Variants in UIMC1 observed in about 807,000 individuals in gnomAD.
The protein encoded by UIMC1 is BRCA1-A complex subunit RAP80.
Under a neutral mutation model 84.9 loss-of-function variants are expected in UIMC1, and 42 were observed. That is an observed-to-expected ratio of 0.49 (90% confidence interval 0.39 to 0.64). The LOEUF (loss-of-function observed/expected upper bound fraction) is 0.64. Ranked by LOEUF, UIMC1 falls within the 30% of genes least tolerant of loss-of-function variation. The probability of loss-of-function intolerance (pLI) is 0.00; values close to 1 mark genes in which losing one functional copy is unlikely to be tolerated. For missense variants in UIMC1, 825 were observed against 847.6 expected (o/e 0.97, Z 0.33); for synonymous variants, 281 against 293.0 (o/e 0.96, Z 0.42).
chr5:176,972,782 G>A (rs1769453652), intron 3 of UIMC1, among the ~76,000 whole-genome samples: 1 of 151,914 alleles, frequency 6.6e-6, no homozygotes. Context: ...CCTCTTAACT[G>A]CTCAAGAACA....
At chr5:176,982,351 AT>A in intron 2 of UIMC1, 117 bp downstream of exon 2, 1 of 1,202,850 alleles carries the variant, frequency 8.3e-7, no homozygotes, top group Non-Finnish European at 1.2e-6. Flanking sequence ...CTGAGTAAAA[AT>A]TTCATGGTTT....
chr5:176,918,025 T>A, intron 10 of UIMC1, among the ~76,000 whole-genome samples: 1 of 152,358 alleles, frequency 6.6e-6, no homozygotes, highest in Middle Eastern at 3.4e-3. Flanking sequence ...TCAATAGCCA[T>A]ATGTGGCTAC....
At position 176,905,087 on chromosome 5, in the gene UIMC1, A is replaced by T. The variant is rs1759180411; in HGVS notation, c.*195T>A. ...TTTTAACTGTAAGTAAATTCAAACA[A>T]ACTGTTATAAAACAGAATACACAGT... On this transcript the variant is annotated 3_prime_UTR_variant, in exon 15 of 15. Coordinates refer to ENST00000511320, the MANE Select transcript of UIMC1 (RefSeq NM_001199298.2). 2 of 467,378 alleles carry T rather than the reference A, an allele frequency of 4.3e-6. No individual in the cohort carries two copies. The highest frequency in any genetic ancestry group is 2.0e-5 in the African/African-American group (1 of 50,360). The allele number at this position is 467,378 out of a possible 1,614,324, so 29.0% of individuals were successfully genotyped here. A position where few individuals can be genotyped will look rare whatever the true frequency, so the allele number is the denominator to read the frequency against.
intron 2 of UIMC1, among the ~76,000 whole-genome samples, chr5:176,976,178 T>A (rs532221624): frequency 6.6e-5 from 10 of 152,058 alleles, no homozygotes; most frequent in East Asian, 1.9e-4. Context: ...GAATTTTTTT[T>A]AAATTAGCCA....
chr5:177,014,052 C>CT (rs1775620123), intron 1 of UIMC1, among the ~76,000 whole-genome samples: 1 of 130,696 alleles, frequency 7.7e-6, no homozygotes, highest in African/African-American at 3.2e-5. Flanking sequence ...CACTTTTTTT[C>CT]TTTTCTTTTT....
rs181324886 is a variant in UIMC1, at chr5:177,000,201, G to A, written c.-9+6449C>T. Among the ~76,000 whole-genome samples, 3 of 152,226 alleles carry A rather than the reference G, an allele frequency of 2.0e-5. No homozygotes were observed. In the East Asian group the frequency reaches 5.8e-4, roughly 29 times the overall value. On this transcript the variant is annotated intron_variant, in intron 1 of 14. Coordinates refer to ENST00000511320, the MANE Select transcript of UIMC1 (RefSeq NM_001199298.2). ...TCTCAATCTGACCTCATGATCCGCCGCCTCGGCCTCCCAAAGTGCTGGGAT... is the reference window on the plus strand; with the variant it reads ...TCTCAATCTGACCTCATGATCCGCCACCTCGGCCTCCCAAAGTGCTGGGAT...
At chr5:176,942,209 A>G (rs1408630922) in intron 10 of UIMC1, among the ~76,000 whole-genome samples, 4 of 151,764 alleles carry the variant, frequency 2.6e-5, no homozygotes, top group Non-Finnish European at 4.4e-5. Context: ...TATGTAGGAC[A>G]TGAATGTAAA....
intron 2 of UIMC1, chr5:176,980,347 T>A (rs927728017): frequency 2.0e-5 from 3 of 152,054 alleles, no homozygotes; most frequent in African/African-American, 7.3e-5. Context: ...CATCCATCCA[T>A]CCATCCATCC....
At chr5:176,905,921 CTG>C in intron 14 of UIMC1, 88 bp downstream of exon 14, 1 of 1,370,722 alleles carries the variant, frequency 7.3e-7, no homozygotes, top group Non-Finnish European at 1.0e-6. Flanking sequence ...CTGCAACAGT[CTG>C]AGTATCACAC....
intron 10 of UIMC1, chr5:176,919,104 T>G: frequency 3.5e-6 from 1 of 287,522 alleles, no homozygotes; most frequent in Non-Finnish European, 6.9e-6. Flanking sequence ...AAATATAACT[T>G]CACTGAGATA....
chr5:176,969,588 C>G lies in UIMC1; in HGVS notation c.463+13G>C, dbSNP rs776597620. On this transcript the variant is annotated intron_variant, in intron 5 of 14. Transcript: ENST00000511320. ...ACTTGATGAATGGAAGGAGTCAGAA[C>G]AGGGAGACATGCCTTCAGTGAGCCC... 1 of 1,612,562 alleles carries G rather than the reference C, an allele frequency of 6.2e-7. No individual in the cohort carries two copies. The highest frequency in any genetic ancestry group is 1.1e-5 in the South Asian group (1 of 91,010).
At chr5:176,997,321 C>G (rs1206096519) in intron 1 of UIMC1, among the ~76,000 whole-genome samples, 3 of 152,006 alleles carry the variant, frequency 2.0e-5, no homozygotes, top group African/African-American at 7.3e-5. Flanking sequence ...CTTTTACCAC[C>G]GTTCCCCTCC....
chr5:176,967,286 A>G (rs1768449374), intron 6 of UIMC1, among the ~76,000 whole-genome samples: 1 of 151,814 alleles, frequency 6.6e-6, no homozygotes, highest in Admixed American at 6.6e-5. Context: ...TATTTTTCAC[A>G]TCCAAAAAAA....
Position 176,911,408 on chromosome 5 carries a change from T to G in UIMC1, c.1598-19A>C. The G allele has an allele frequency of 1.3e-6, 2 of 1,518,834 alleles. No homozygotes were observed. The highest frequency in any genetic ancestry group is 1.8e-6 in the Non-Finnish European group (2 of 1,127,790). The allele number at this position is 1,518,834 out of a possible 1,614,324, so 94.1% of individuals were successfully genotyped here. On this transcript the variant is annotated intron_variant, in intron 10 of 14. Transcript: ENST00000511320. ...GTCAATACTTTTAATATAAAAAATA[T>G]ATATATATACACATAGTTAGCTGCC... is the stretch of plus-strand genomic sequence containing the variant.
At chr5:176,947,790 T>C (rs1765329437) in intron 9 of UIMC1, among the ~76,000 whole-genome samples, 1 of 150,508 alleles carries the variant, frequency 6.6e-6, no homozygotes, top group Non-Finnish European at 1.5e-5. Context: ...CACTCCAGCC[T>C]AGGCAACAGG....
At chr5:176,981,117 A>C (rs545310875) in intron 2 of UIMC1, among the ~76,000 whole-genome samples, 1 of 151,594 alleles carries the variant, frequency 6.6e-6, no homozygotes, top group East Asian at 1.9e-4. Context: ...TTAAAAACTG[A>C]ACTATAAGGA....
intron 12 of UIMC1, among the ~76,000 whole-genome samples, chr5:176,908,066 G>T (rs564056563): frequency 1.6e-3 from 246 of 152,136 alleles, no homozygotes; most frequent in African/African-American, 5.7e-3. Flanking sequence ...TTTCATAAAT[G>T]CAAGTGAGAA....
At chr5:176,926,664 A>G (rs1032489609) in intron 10 of UIMC1, among the ~76,000 whole-genome samples, 2 of 150,964 alleles carry the variant, frequency 1.3e-5, no homozygotes, top group African/African-American at 4.9e-5. Context: ...ACAACAAGAG[A>G]TGCATACTAA....
intron 1 of UIMC1, among the ~76,000 whole-genome samples, chr5:177,017,675 T>TC (rs1199222206): frequency 6.6e-6 from 1 of 151,004 alleles, no homozygotes; most frequent in African/African-American, 2.4e-5. Flanking sequence ...CTGGCCCTTT[T>TC]TTTTTTTTTT....
Sources: allele counts gnomAD v4.1 joint callset (sites outside exome capture counted in the v4.1 genomes callset), GRCh38; gene constraint gnomAD v4.1.1; transcripts MANE v1.5; gene names NCBI Gene and HGNC (gene_info 2026-07-23, HGNC 2026-07-21).